The following CERS3 variants were observed in gnomAD, a reference collection of about 807,000 sequenced individuals.
The protein encoded by CERS3 is ceramide synthase 3.
In CERS3, 33 loss-of-function variants were observed where a neutral mutation model predicts 50.3. That is an observed-to-expected ratio of 0.66 (90% CI 0.50 to 0.88). The LOEUF (loss-of-function observed/expected upper bound fraction) is 0.88, where lower values mean the gene tolerates loss of function less well. CERS3 is among the 40% of genes least tolerant of loss of function. The pLI, the probability that CERS3 is intolerant of heterozygous loss-of-function variation, is 0.00. For missense variants in CERS3, 470 were observed against 460.3 expected (o/e 1.02, Z -0.19); for synonymous variants, 176 against 155.2 (o/e 1.13, Z -0.99).
chr15:100,540,443 C>G (rs1005330590), intron 1 of CERS3, among the ~76,000 whole-genome samples: 11 of 152,276 alleles, frequency 7.2e-5, no homozygotes, highest in African/African-American at 2.2e-4. Flanking sequence ...ACTTGGGAGG[C>G]TGAGGAAGGA....
chr15:100,528,171 T>C (rs926103584), intron 1 of CERS3, among the ~76,000 whole-genome samples: 3 of 152,182 alleles, frequency 2.0e-5, no homozygotes, highest in Admixed American at 1.3e-4. Flanking sequence ...AAAAAGTAGT[T>C]TGATTTTGTT....
At chr15:100,410,437 C>T (rs1246714134) in intron 11 of CERS3, among the ~76,000 whole-genome samples, 1 of 152,138 alleles carries the variant, frequency 6.6e-6, no homozygotes, top group Non-Finnish European at 1.5e-5. Flanking sequence ...TACAACACAC[C>T]AGGAGAAACT....
Position 100,402,670 on chromosome 15 carries a change from T to C in CERS3, c.*43A>G. 2.5e-6 allele frequency: 4 copies of C among 1,599,784 alleles called. No individual in the cohort carries two copies. In the East Asian group the frequency reaches 9.0e-5, roughly 36 times the overall value. On this transcript the variant is annotated 3_prime_UTR_variant, in exon 12 of 12. Transcript: ENST00000679737. ...GGCCTGGAAGCCAGGCTGCCAACAG[T>C]ACTTGCAGCATGCTGTGCCATGGGA...
chr15:100,506,242 A>T (rs1038365234), intron 2 of CERS3, among the ~76,000 whole-genome samples: 1 of 152,204 alleles, frequency 6.6e-6, no homozygotes, highest in African/African-American at 2.4e-5. Context: ...TGACAACTCA[A>T]TGAAAAAAAA....
rs955139423 is a variant in CERS3, at chr15:100,421,616, G to A, written c.1000-18751C>T. 2.2e-3 allele frequency among the ~76,000 whole-genome samples: 331 copies of A among 148,748 alleles called. 3 individuals are homozygous for A. Among genetic ancestry groups the A allele is most frequent in the African/African-American group, 7.6e-3 (306 of 40,264 alleles). ...TTCATATGGAACCAAAAAAGAGCCC[G>A]CATCGCCAAGTCAATCCTAAGCCAA... On this transcript the variant is annotated intron_variant, in intron 11 of 11. Coordinates refer to ENST00000679737, the MANE Select transcript of CERS3 (RefSeq NM_001378789.1).
intron 2 of CERS3, among the ~76,000 whole-genome samples, chr15:100,510,096 T>C (rs1596787941): frequency 6.6e-6 from 1 of 152,014 alleles, no homozygotes; most frequent in East Asian, 1.9e-4. Context: ...GCACCTCCTG[T>C]GCACAGTGTT....
chr15:100,501,159 C>A (rs1255243557), intron 3 of CERS3, among the ~76,000 whole-genome samples: 1 of 152,138 alleles, frequency 6.6e-6, no homozygotes, highest in African/African-American at 2.4e-5. Flanking sequence ...GATTTCCTTG[C>A]ACTTTAGAAC....
intron 11 of CERS3, among the ~76,000 whole-genome samples, chr15:100,453,452 C>A (rs1471501504): frequency 6.6e-6 from 1 of 152,170 alleles, no homozygotes; most frequent in Non-Finnish European, 1.5e-5. Context: ...ATTCAGCATC[C>A]TTTTATGATA....
chr15:100,462,012 C>T (rs922253200), intron 10 of CERS3, among the ~76,000 whole-genome samples: 2 of 152,218 alleles, frequency 1.3e-5, no homozygotes, highest in Non-Finnish European at 2.9e-5. Flanking sequence ...CTGCCCTTCC[C>T]AGCTCTCTTC....
At chr15:100,428,632 T>C (rs975750374) in intron 11 of CERS3, among the ~76,000 whole-genome samples, 2 of 152,204 alleles carry the variant, frequency 1.3e-5, no homozygotes, top group African/African-American at 4.8e-5. Context: ...ACTGCTCCAG[T>C]TGAGAACCAC....
At chr15:100,409,661 A>C (rs547735787) in intron 11 of CERS3, among the ~76,000 whole-genome samples, 1 of 152,260 alleles carries the variant, frequency 6.6e-6, no homozygotes, top group African/African-American at 2.4e-5. Flanking sequence ...TTTGCTCGCA[A>C]AATCAGCGTG....
chr15:100,414,625 C>T (rs891607793), intron 11 of CERS3, among the ~76,000 whole-genome samples: 1 of 152,028 alleles, frequency 6.6e-6, no homozygotes, highest in South Asian at 2.1e-4. Flanking sequence ...AATAATACCA[C>T]ACATCTACAA....
chr15:100,458,344 G>T (rs1370060617), intron 10 of CERS3, among the ~76,000 whole-genome samples: 1 of 152,120 alleles, frequency 6.6e-6, no homozygotes, highest in African/African-American at 2.4e-5. Flanking sequence ...CAGCACTTTG[G>T]GAGGCTGAGG....
At chr15:100,458,202 T>A (rs1290440620) in intron 10 of CERS3, among the ~76,000 whole-genome samples, 1 of 152,208 alleles carries the variant, frequency 6.6e-6, no homozygotes, top group African/African-American at 2.4e-5. Flanking sequence ...ACTTTCAGTT[T>A]ACATTATTTG....
intron 11 of CERS3, among the ~76,000 whole-genome samples, chr15:100,432,817 G>A (rs1364565842): frequency 6.6e-6 from 1 of 152,212 alleles, no homozygotes; most frequent in East Asian, 1.9e-4. Flanking sequence ...TCACGGAAGA[G>A]GTGGTAGGGC....
chr15:100,444,503 G>T (rs1472795112), intron 11 of CERS3, among the ~76,000 whole-genome samples: 2 of 152,032 alleles, frequency 1.3e-5, no homozygotes, highest in African/African-American at 2.4e-5. Flanking sequence ...GTTCCACCAG[G>T]CGTAATCGCC....
intron 3 of CERS3, among the ~76,000 whole-genome samples, chr15:100,501,169 C>G (rs553598571): frequency 6.6e-6 from 1 of 152,256 alleles, no homozygotes; most frequent in Admixed American, 6.5e-5. Flanking sequence ...CACTTTAGAA[C>G]GAAGGGCAGC....
At chr15:100,517,806 G>A (rs569251677) in intron 2 of CERS3, among the ~76,000 whole-genome samples, 2 of 152,248 alleles carry the variant, frequency 1.3e-5, no homozygotes, top group East Asian at 3.9e-4. Flanking sequence ...GGGTGCAGTG[G>A]GTGTGAGCGT....
At chr15:100,417,736 G>A (rs2032058209) in intron 11 of CERS3, among the ~76,000 whole-genome samples, 1 of 151,888 alleles carries the variant, frequency 6.6e-6, no homozygotes, top group African/African-American at 2.4e-5. Flanking sequence ...GGAGATCTGA[G>A]AACGGGCAGA....
Sources: gnomAD v4.1 joint callset for allele counts (sites outside exome capture counted in the v4.1 genomes callset) on GRCh38, gnomAD v4.1.1 for gene constraint, MANE v1.5 for transcripts, NCBI Gene and HGNC (gene_info 2026-07-23, HGNC 2026-07-21) for gene names.